The following INKA2 variants were observed in gnomAD, a reference collection of about 807,000 sequenced individuals.
The protein encoded by INKA2 is inka box actin regulator 2.
Under a neutral mutation model 9.8 loss-of-function variants are expected in INKA2, and 3 were observed. That is an observed-to-expected ratio of 0.31 (90% CI 0.14 to 0.79). INKA2 has a LOEUF of 0.79. Ranked by LOEUF, INKA2 falls within the 30% of genes least tolerant of loss-of-function variation. The pLI is 0.62. For synonymous variants in INKA2, 147 were observed against 143.3 expected, an observed-to-expected ratio of 1.03 and a Z score of -0.18; for missense variants, 392 against 384.4, an observed-to-expected ratio of 1.02 and a Z score of -0.17.
upstream of INKA2, chr1:111,739,495 AGGGCGGCCGGGAGGCCGGGCT>A (rs1663093968): frequency 2.3e-6 from 3 of 1,299,768 alleles, no homozygotes; most frequent in Non-Finnish European, 3.0e-6. Context: ...GCCAATGGGC[AGGGCGGCCGGGAGGCCGGGCT>A]GGGCGGCCGA....
rs1035175745 is a variant in INKA2, at chr1:111,723,112, C to T, written c.*3856G>A. The stretch of plus-strand genomic sequence containing the variant: ...GCTGGCAGAAGTGCCTTAACTGCAC[C>T]GGATGGGGAAGGCACCTGAGGTGGG... On this transcript the variant is annotated 3_prime_UTR_variant, in exon 2 of 2. Coordinates refer to ENST00000357260, the MANE Select transcript of INKA2 (RefSeq NM_019099.5). The T allele has an allele frequency of 1.4e-5, 10 of 700,040 alleles. No individual in the cohort carries two copies. Among genetic ancestry groups the T allele is most frequent in the East Asian group, 2.7e-5 (1 of 37,028 alleles). 43.4% of individuals were successfully genotyped at this position (700,040 alleles called of 1,614,324 possible).
Position 111,723,950 on chromosome 1 carries a change from A to C in INKA2, c.*3018T>G, listed in dbSNP as rs1662707456. 1 of 152,264 alleles carries C rather than the reference A, an allele frequency of 6.6e-6. No homozygotes were observed. Among genetic ancestry groups the C allele is most frequent in the Non-Finnish European group, 1.5e-5 (1 of 68,050 alleles). 9.4% of individuals were successfully genotyped at this position (152,264 alleles called of 1,614,324 possible). ...GGAACAGATATGGACAATTAGTGGGATCGTCTGAAAAGCACAAGATTGCAA... is the reference window on the plus strand; with the variant it reads ...GGAACAGATATGGACAATTAGTGGGCTCGTCTGAAAAGCACAAGATTGCAA... On this transcript the variant is annotated 3_prime_UTR_variant, in exon 2 of 2. Transcript: ENST00000357260.
chr1:111,727,332 T>C lies in INKA2; in HGVS notation c.530A>G (p.Lys177Arg), dbSNP rs1388151537. The C allele has an allele frequency of 6.2e-7, 1 of 1,614,022 alleles. No homozygotes were observed. The highest frequency in any genetic ancestry group is 1.3e-5 in the African/African-American group (1 of 74,924). Residue 177 changes from lysine (K) to arginine (R), a missense_variant, in exon 2 of 2, where the codon AAG becomes AGG. By Grantham distance (26) the Lys-to-Arg change is conservative. Transcript: ENST00000357260. Reference protein sequence around the residue: ...GNWLDLPELEKGGEKGETGGA... With the variant: ...GNWLDLPELERGGEKGETGGA... ...CCCAGTCTCACCCTTCTCCCCACCC[T>C]TCTCCAGTTCTGGCAAGTCTAGCCA... is the stretch of plus-strand genomic sequence containing the variant.
chr1:111,744,143 C>G (rs557291584), upstream of INKA2, among the ~76,000 whole-genome samples: 4 of 152,328 alleles, frequency 2.6e-5, no homozygotes, highest in East Asian at 7.7e-4. Flanking sequence ...ACCTTAGACA[C>G]AGGACTGGGC....
At chr1:111,743,200 G>A (rs184440247), upstream of INKA2, among the ~76,000 whole-genome samples, 17 of 152,136 alleles carry the variant, frequency 1.1e-4, no homozygotes, top group East Asian at 1.7e-3. Context: ...ACCCCCCTCC[G>A]AAACTCAGCC....
Position 111,724,863 on chromosome 1 carries a change from T to G in INKA2, c.*2105A>C, listed in dbSNP as rs1214706013. ...GTCCTTTCCTTTGCTAGCAGCCTAA[T>G]CGGGGCAGTTTACACGCCCCCTAAT... On this transcript the variant is annotated 3_prime_UTR_variant, in exon 2 of 2. Transcript: ENST00000357260. The G allele has an allele frequency of 1.3e-5, 2 of 152,190 alleles. No homozygotes were observed. The highest frequency in any genetic ancestry group is 2.9e-5 in the Non-Finnish European group (2 of 68,064). 9.4% of individuals were successfully genotyped at this position (152,190 alleles called of 1,614,324 possible). A position where few individuals can be genotyped will look rare whatever the true frequency, so the allele number is the denominator to read the frequency against.
intron 1 of INKA2, among the ~76,000 whole-genome samples, chr1:111,749,417 TTGGGG>T (rs1266919158): frequency 2.1e-5 from 3 of 139,986 alleles, no homozygotes; most frequent in Admixed American, 7.0e-5. Context: ...GCTGTGTGTG[TTGGGG>T]TGTGTGTGTG....
At chr1:111,755,641 G>A in intron 1 of INKA2, 2 of 1,604,838 alleles carry the variant, frequency 1.2e-6, no homozygotes, top group East Asian at 2.2e-5. Flanking sequence ...GCCGAGAGGC[G>A]GGGCGGTGCC....
intron 1 of INKA2, among the ~76,000 whole-genome samples, chr1:111,749,026 A>G (rs1489390140): frequency 6.6e-6 from 1 of 152,198 alleles, no homozygotes; most frequent in African/African-American, 2.4e-5. Context: ...AACAGCCCAA[A>G]GGGTGGAGGG....
Position 111,724,565 on chromosome 1 carries a change from GCACACA to G in INKA2, c.*2397_*2402del, listed in dbSNP as rs71714685. 1,253 of 144,506 alleles carry G rather than the reference GCACACA, an allele frequency of 8.7e-3. 15 individuals are homozygous for G. Among genetic ancestry groups the G allele is most frequent in the South Asian group, 0.031 (137 of 4,474 alleles). 9.0% of individuals were successfully genotyped at this position (144,506 alleles called of 1,614,324 possible). A position where few individuals can be genotyped will look rare whatever the true frequency, so the allele number is the denominator to read the frequency against. The stretch of plus-strand genomic sequence containing the variant: ...ACATGCAGTTTCTTAGCACGCGCAG[GCACACA>G]CACACACACACACACACACACACAC... On this transcript the variant is annotated 3_prime_UTR_variant, in exon 2 of 2. Transcript: ENST00000357260.
Position 111,727,629 on chromosome 1 carries a change from C to T in INKA2, c.233G>A (p.Cys78Tyr), listed in dbSNP as rs531482804. The change falls in exon 2 of 2, where the codon TGT becomes TAT. Residue 78 changes from cysteine (C) to tyrosine (Y), a missense_variant. Physicochemically the swap from Cys to Tyr is radical, Grantham distance 194. Transcript: ENST00000357260. ...EGPRTQCEHP[C>Y]WEGGRGPARP... is the part of the protein sequence containing the mutation. ...GGCAGGACCTCTGCCACCCTCCCAA[C>T]AAGGGTGCTCGCACTGGGTCCTGGG... 6 of 1,608,328 alleles carry T rather than the reference C, an allele frequency of 3.7e-6. No homozygotes were observed. The highest frequency in any genetic ancestry group is 4.5e-5 in the East Asian group (2 of 44,854).
At chr1:111,749,226 A>C (rs925851943) in intron 1 of INKA2, among the ~76,000 whole-genome samples, 1 of 152,166 alleles carries the variant, frequency 6.6e-6, no homozygotes, top group Non-Finnish European at 1.5e-5. Context: ...ATTTATTTCC[A>C]GGTTCTCGGC....
rs1276812145 is a variant in INKA2 at position 111,734,496 on chromosome 1, C to T, written c.57+4690G>A. Among the ~76,000 whole-genome samples the T allele has an allele frequency of 2.6e-5, 4 of 152,238 alleles. No homozygotes were observed. The East Asian group carries it at 7.7e-4, about 29-fold the overall frequency. On this transcript the variant is annotated intron_variant, in intron 1 of 1. Coordinates refer to ENST00000357260, the MANE Select transcript of INKA2 (RefSeq NM_019099.5). Reference sequence around the variant, plus strand: ...CCTGCCTCAATTTCCTCCCTCCCTCCACCTCCACCTCTACCCCATATCACC... The same window carrying T: ...CCTGCCTCAATTTCCTCCCTCCCTCTACCTCCACCTCTACCCCATATCACC...
chr1:111,731,936 G>GGGGA (rs1327280823), intron 1 of INKA2, among the ~76,000 whole-genome samples: 3 of 152,348 alleles, frequency 2.0e-5, no homozygotes, highest in Non-Finnish European at 4.4e-5. Flanking sequence ...TGCAGGGGCT[G>GGGGA]GGGAGGGAAG....
chr1:111,739,161 G>T lies in INKA2; in HGVS notation c.57+25C>A, dbSNP rs368688141. 3.1e-6 allele frequency: 5 copies of T among 1,609,910 alleles called. No individual in the cohort carries two copies. In the East Asian group the frequency reaches 6.7e-5, roughly 22 times the overall value. On this transcript the variant is annotated intron_variant, in intron 1 of 1. Coordinates refer to ENST00000357260, the MANE Select transcript of INKA2 (RefSeq NM_019099.5). ...CCGTCGGGGCGGAGCAGCCCTCCCT[G>T]CCCCGGCGCCAGCTTCGCTCTTACC...
upstream of INKA2, among the ~76,000 whole-genome samples, chr1:111,743,366 A>G (rs1055837563): frequency 7.2e-5 from 11 of 152,208 alleles, no homozygotes; most frequent in African/African-American, 2.7e-4. Flanking sequence ...TCGGTACTTT[A>G]CCTGACAGAG....
Position 111,727,358 on chromosome 1 carries a change from A to G in INKA2, c.504T>C (p.Asn168=), listed in dbSNP as rs1276440393. 7.4e-6 allele frequency: 12 copies of G among 1,613,846 alleles called. No individual in the cohort carries two copies. In the African/African-American group the frequency reaches 9.3e-5, roughly 13 times the overall value. ...TCTCCAGTTCTGGCAAGTCTAGCCA[A>G]TTGCCCACCAGGTCTGCAAAAACGT... ...GDNVFADLVG[N]WLDLPELEKG... The change falls in exon 2 of 2, where the codon AAT becomes AAC. Residue 168 remains asparagine, a synonymous_variant. Transcript: ENST00000357260.
At chr1:111,729,634 A>G (rs1379192995) in intron 1 of INKA2, among the ~76,000 whole-genome samples, 2 of 152,214 alleles carry the variant, frequency 1.3e-5, no homozygotes, top group Non-Finnish European at 2.9e-5. Flanking sequence ...AGCAAACCTC[A>G]TATGCAGGGA....
At chr1:111,737,249 C>T (rs1663026391) in intron 1 of INKA2, among the ~76,000 whole-genome samples, 1 of 152,188 alleles carries the variant, frequency 6.6e-6, no homozygotes, top group Admixed American at 6.5e-5. Flanking sequence ...AAGTCCTTGG[C>T]AGGAGAGGGT....
Sources: allele counts gnomAD v4.1 joint callset (sites outside exome capture counted in the v4.1 genomes callset), GRCh38; gene constraint gnomAD v4.1.1; transcripts MANE v1.5; gene names NCBI Gene and HGNC (gene_info 2026-07-23, HGNC 2026-07-21).